SPAG16: variants seen among roughly 807,000 people sequenced by gnomAD.
SPAG16 encodes the protein sperm associated antigen 16, also known as sperm-associated antigen 16 protein.
In SPAG16, 86 loss-of-function variants were observed where a neutral mutation model predicts 80.4. The observed-to-expected ratio is 1.07, with a 90% CI of 0.90 to 1.28. The LOEUF (loss-of-function observed/expected upper bound fraction) is 1.28. Ranked by LOEUF, SPAG16 falls within the 50% of genes most tolerant of loss-of-function variation. The pLI, the probability that SPAG16 is intolerant of heterozygous loss-of-function variation, is 0.00. For missense variants in SPAG16, 870 were observed against 765.3 expected, an observed-to-expected ratio of 1.14 and a Z score of -1.61; for synonymous variants, 294 against 265.9, an observed-to-expected ratio of 1.11 and a Z score of -1.03.
At chr2:213,334,462 C>A (rs1160273456) in intron 5 of SPAG16, among the ~76,000 whole-genome samples, 1 of 152,096 alleles carries the variant, frequency 6.6e-6, no homozygotes, top group Non-Finnish European at 1.5e-5. Flanking sequence ...GGTGTATATA[C>A]CCAAAAGAAA....
chr2:214,302,353 T>A (rs549494103), intron 15 of SPAG16, among the ~76,000 whole-genome samples: 4 of 152,320 alleles, frequency 2.6e-5, no homozygotes, highest in African/African-American at 9.6e-5. Flanking sequence ...GCCTCATTGA[T>A]AATGCCGTCA....
At chr2:213,926,004 AT>A (rs1182127633) in intron 11 of SPAG16, among the ~76,000 whole-genome samples, 2 of 151,874 alleles carry the variant, frequency 1.3e-5, no homozygotes, top group African/African-American at 2.4e-5. Flanking sequence ...TTTGGTATAC[AT>A]TTTTCTTTCC....
chr2:213,835,992 A>G (rs2074050134), intron 10 of SPAG16, among the ~76,000 whole-genome samples: 1 of 152,300 alleles, frequency 6.6e-6, no homozygotes, highest in African/African-American at 2.4e-5. Flanking sequence ...CTGTTTGTAT[A>G]TGTTGATAAG....
chr2:213,958,280 G>A (rs115192223), intron 12 of SPAG16, among the ~76,000 whole-genome samples: 1,979 of 152,260 alleles, frequency 0.013, 40 homozygotes, highest in African/African-American at 0.045. Context: ...TGTCTTGGCA[G>A]TCCATGTGGT....
chr2:213,454,370 A>G (rs2071875629), intron 9 of SPAG16, among the ~76,000 whole-genome samples: 1 of 152,138 alleles, frequency 6.6e-6, no homozygotes, highest in South Asian at 2.1e-4. Context: ...TTTAATCCAT[A>G]TATTTGTGTG....
intron 10 of SPAG16, among the ~76,000 whole-genome samples, chr2:213,793,773 T>C (rs922932356): frequency 6.6e-6 from 1 of 152,226 alleles, no homozygotes; most frequent in Non-Finnish European, 1.5e-5. Context: ...TGCTAGTTTC[T>C]TCGCTCTGTG....
chr2:213,426,879 ACACAG>A (rs2069965074), intron 9 of SPAG16, among the ~76,000 whole-genome samples: 5 of 149,232 alleles, frequency 3.4e-5, no homozygotes, highest in Admixed American at 1.3e-4. Flanking sequence ...ACACACACAC[ACACAG>A]GGCTACACTC....
At chr2:214,246,335 C>A (rs954406371) in intron 15 of SPAG16, among the ~76,000 whole-genome samples, 4 of 152,140 alleles carry the variant, frequency 2.6e-5, no homozygotes, top group Non-Finnish European at 5.9e-5. Context: ...TTCTCTTCCA[C>A]AATGTCACGA....
chr2:214,163,635 T>G (rs200239279), intron 15 of SPAG16, among the ~76,000 whole-genome samples: 7,449 of 115,004 alleles, frequency 0.065, 632 homozygotes, highest in African/African-American at 0.19. Flanking sequence ...TACATATATA[T>G]ATAGAGAGAG....
In SPAG16 at chr2:214,409,505, G is replaced by C. The variant is rs144916351; in HGVS notation, c.1721-635G>C. Among the ~76,000 whole-genome samples the C allele has an allele frequency of 2.7e-3, 415 of 152,102 alleles. 2 individuals are homozygous for C. Among genetic ancestry groups the C allele is most frequent in the African/African-American group, 9.3e-3 (387 of 41,542 alleles). On this transcript the variant is annotated intron_variant, in intron 15 of 15. Coordinates refer to ENST00000331683, the MANE Select transcript of SPAG16 (RefSeq NM_024532.5). ...AAAAATTATGCAAATACCCTGTGCT[G>C]TATTTAGCCATCTTATGTAAAAAAA...
intron 10 of SPAG16, among the ~76,000 whole-genome samples, chr2:213,697,970 T>C (rs974338590): frequency 1.3e-5 from 2 of 152,180 alleles, no homozygotes; most frequent in Non-Finnish European, 2.9e-5. Flanking sequence ...ACTCAAATCT[T>C]CTGCCAACTC....
chr2:213,604,826 C>T (rs2124990070), intron 10 of SPAG16, among the ~76,000 whole-genome samples: 1 of 151,680 alleles, frequency 6.6e-6, no homozygotes, highest in African/African-American at 2.4e-5. Flanking sequence ...AATATGTACA[C>T]AATATTCTGT....
chr2:214,040,805 C>G (rs1008611508), intron 13 of SPAG16, among the ~76,000 whole-genome samples: 1 of 152,102 alleles, frequency 6.6e-6, no homozygotes, highest in Non-Finnish European at 1.5e-5. Flanking sequence ...TTTACTTTAA[C>G]ATCATTTTGA....
At chr2:213,948,894 A>G (rs575342344) in intron 12 of SPAG16, among the ~76,000 whole-genome samples, 44 of 152,246 alleles carry the variant, frequency 2.9e-4, no homozygotes, top group South Asian at 4.1e-4. Flanking sequence ...CTCTTTTTTA[A>G]AAGGTATATT....
At chr2:213,334,440 A>G (rs2064253674) in intron 5 of SPAG16, among the ~76,000 whole-genome samples, 2 of 152,338 alleles carry the variant, frequency 1.3e-5, no homozygotes, top group East Asian at 1.9e-4. Context: ...TGATCCAGCA[A>G]TCTTACTGCT....
chr2:213,755,779 G>T (rs2068296519), intron 10 of SPAG16, among the ~76,000 whole-genome samples: 1 of 152,112 alleles, frequency 6.6e-6, no homozygotes. Flanking sequence ...ATATTAGAAA[G>T]ATATACCCAA....
intron 15 of SPAG16, among the ~76,000 whole-genome samples, chr2:214,371,484 A>C (rs920362639): frequency 1.4e-5 from 2 of 146,640 alleles, no homozygotes; most frequent in African/African-American, 5.1e-5. Flanking sequence ...GTGAGCCAAG[A>C]TTACACCATT....
In SPAG16 at chr2:213,826,802, GT is replaced by G. The variant is rs1315896296; in HGVS notation, c.1071-35682del. On this transcript the variant is annotated intron_variant, in intron 10 of 15. Coordinates refer to ENST00000331683, the MANE Select transcript of SPAG16 (RefSeq NM_024532.5). ...TCAAATGTTTCTTTGTTGATTTTCT[GT>G]CTGGGAGATCTCTCTAGTGCTCAAA... Among the ~76,000 whole-genome samples, 11 of 152,056 alleles carry G rather than the reference GT, an allele frequency of 7.2e-5. No homozygotes were observed. In the East Asian group the frequency reaches 2.1e-3, roughly 29 times the overall value.
At chr2:213,898,373 T>G (rs2077078576) in intron 11 of SPAG16, among the ~76,000 whole-genome samples, 1 of 152,158 alleles carries the variant, frequency 6.6e-6, no homozygotes, top group Admixed American at 6.6e-5. Context: ...AACTAAATGC[T>G]TACCTGAGGG....
Sources: gnomAD v4.1 joint callset for allele counts (sites outside exome capture counted in the v4.1 genomes callset) on GRCh38, gnomAD v4.1.1 for gene constraint, MANE v1.5 for transcripts, NCBI Gene and HGNC (gene_info 2026-07-23, HGNC 2026-07-21) for gene names.